SEMA4G: variants seen among roughly 807,000 people sequenced by gnomAD.
The protein encoded by SEMA4G is semaphorin-4G.
A neutral mutation model predicts 81.2 loss-of-function variants in SEMA4G; 59 were observed. That is an observed-to-expected ratio of 0.73 (90% confidence interval 0.59 to 0.90). The LOEUF is 0.90. SEMA4G is among the 40% of genes least tolerant of loss of function. The pLI is 0.00. For missense variants in SEMA4G, 952 were observed against 1,102.3 expected, an observed-to-expected ratio of 0.86 and a Z score of 1.93; for synonymous variants, 404 against 433.9, an observed-to-expected ratio of 0.93 and a Z score of 0.86.
At chr10:100,984,540 C>G in exon 14 of SEMA4G, 1 of 1,536,186 alleles carries the variant, frequency 6.5e-7, no homozygotes, top group Non-Finnish European at 8.7e-7. Context: ...CTCTGCATGG[C>G]CCTGTGTGCT....
At chr10:100,977,925 A>T in intron 4 of SEMA4G, 195 bp downstream of exon 5, 1 of 595,570 alleles carries the variant, frequency 1.7e-6, no homozygotes, top group Non-Finnish European at 3.0e-6. Context: ...TGCAGTTTTT[A>T]TAGCATTTTC....
At chr10:100,983,900 C>T (rs1490149544) in exon 14 of SEMA4G, 2 of 1,049,180 alleles carry the variant, frequency 1.9e-6, no homozygotes, top group Non-Finnish European at 2.7e-6. Flanking sequence ...GGGAGGGAGC[C>T]CCAGCCCCAC....
At position 100,978,279 on chromosome 10, in the gene SEMA4G, G is replaced by A. The variant is rs1288213123; in HGVS notation, c.436-16G>A. 6.2e-7 allele frequency: 1 copy of A among 1,604,590 alleles called. No homozygotes were observed. Among genetic ancestry groups the A allele is most frequent in the East Asian group, 2.2e-5 (1 of 44,830 alleles). The stretch of plus-strand genomic sequence containing the variant: ...CTGTCTTCGGAACCACTTACTGCTG[G>A]TTCCTTGTTCCCTAGGATGCTGAGG... On this transcript the variant is annotated splice_polypyrimidine_tract_variant and intron_variant, in intron 4 of 13. Transcript: ENST00000370250.
At chr10:100,979,499 C>A in intron 8 of SEMA4G, 1 of 1,212,514 alleles carries the variant, frequency 8.2e-7, no homozygotes, top group Non-Finnish European at 1.1e-6. Context: ...TATCCTGCCT[C>A]GGCCTCCCGA....
rs544154237 is a variant in SEMA4G at position 100,976,177 on chromosome 10, A to G, written c.337-1455A>G. ...ACCCTGGGTAACAGGCAAGAGGAGG[A>G]ATCATTAACGTGGCAAAGGAGTCAA... On this transcript the variant is annotated intron_variant, in intron 3 of 13. Transcript: ENST00000370250. 1.5e-3 allele frequency among the ~76,000 whole-genome samples: 224 copies of G among 152,190 alleles called. 3 individuals are homozygous for G. The highest frequency in any genetic ancestry group is 5.2e-3 in the African/African-American group (216 of 41,510).
chr10:100,980,862 TA>T lies in SEMA4G; in HGVS notation c.1509del (p.Pro504HisfsTer37). On this transcript the variant is annotated frameshift_variant, in exon 12 of 14. Coordinates refer to ENST00000370250, the Ensembl canonical transcript of SEMA4G. LOFTEE classifies it high-confidence loss of function. ...GGGGCTCCTAGCGGAGTCATCCAGCTACCACTCTCCAGCTGCTCCCGCTACC... is the reference window on the plus strand; with the variant it reads ...GGGGCTCCTAGCGGAGTCATCCAGCTCCACTCTCCAGCTGCTCCCGCTACC... The T allele has an allele frequency of 6.2e-7, 1 of 1,605,572 alleles. No homozygotes were observed. Among genetic ancestry groups the T allele is most frequent in the Admixed American group, 1.7e-5 (1 of 57,972 alleles).
chr10:100,982,846 G>A (rs1026315111), intron 13 of SEMA4G, among the ~76,000 whole-genome samples: 5 of 152,194 alleles, frequency 3.3e-5, no homozygotes, highest in Admixed American at 6.5e-5. Context: ...AGACTCCCAG[G>A]TTTCTGACTT....
chr10:100,970,564 C>CACAA (rs1850601133), upstream of SEMA4G, among the ~76,000 whole-genome samples: 2 of 151,572 alleles, frequency 1.3e-5, no homozygotes, highest in South Asian at 2.1e-4. Context: ...CACACACACA[C>CACAA]AACCCCCTCA....
chr10:100,980,389 A>C (rs1252783220), intron 10 of SEMA4G, 45 bp downstream of exon 11: 2 of 1,548,226 alleles, frequency 1.3e-6, no homozygotes, highest in East Asian at 4.5e-5. Context: ...CCTGATCACT[A>C]ATGCTTCTGA....
upstream of SEMA4G, chr10:100,972,434 T>A (rs1850660592): frequency 6.5e-6 from 1 of 154,484 alleles, no homozygotes; most frequent in African/African-American, 2.4e-5. Flanking sequence ...ATGCTGGGCC[T>A]CCTTCTTTCA....
intron 13 of SEMA4G, among the ~76,000 whole-genome samples, chr10:100,982,502 G>A (rs999576257): frequency 6.6e-6 from 1 of 152,202 alleles, no homozygotes; most frequent in Admixed American, 6.5e-5. Flanking sequence ...AGATACAAAC[G>A]TGAAGAAGGG....
upstream of SEMA4G, among the ~76,000 whole-genome samples, chr10:100,970,598 C>T (rs1436479047): frequency 6.6e-6 from 1 of 152,092 alleles, no homozygotes; most frequent in African/African-American, 2.4e-5. Context: ...CAAACACACA[C>T]TTGAAATTGG....
At chr10:100,978,411 C>A (rs776242101) in intron 5 of SEMA4G, 23 bp downstream of exon 6, 4 of 1,608,882 alleles carry the variant, frequency 2.5e-6, no homozygotes, top group Non-Finnish European at 3.4e-6. Context: ...TCTTCCCTAT[C>A]ACAGACATGG....
intron 3 of SEMA4G, among the ~76,000 whole-genome samples, chr10:100,974,716 G>A (rs1850727142): frequency 6.6e-6 from 1 of 152,212 alleles, no homozygotes; most frequent in African/African-American, 2.4e-5. Flanking sequence ...TCCATGGACA[G>A]GCATTAATGA....
Position 100,972,929 on chromosome 10 carries a change from G to A in SEMA4G, c.17G>A (p.Trp6Ter). 6.2e-7 allele frequency: 1 copy of A among 1,611,870 alleles called. No homozygotes were observed. Among genetic ancestry groups the A allele is most frequent in the Non-Finnish European group, 8.5e-7 (1 of 1,179,430 alleles). The stretch of plus-strand genomic sequence containing the variant: ...CCCAGGAAGATGTGGGGGAGGCTCT[G>A]GCCCCTCCTCCTCAGCATCCTCACA... Residue 6 changes from tryptophan (W) to a stop codon, truncating the protein, a stop_gained, in exon 1 of 14, where the codon TGG becomes TAG. Coordinates refer to ENST00000370250, the Ensembl canonical transcript of SEMA4G. LOFTEE classifies it high-confidence loss of function.
chr10:100,981,041 A>C, intron 12 of SEMA4G, 44 bp downstream of exon 13: 1 of 1,596,088 alleles, frequency 6.3e-7, no homozygotes, highest in Non-Finnish European at 8.5e-7. Flanking sequence ...GTCTGAGTGG[A>C]GGAGGAAGGC....
At chr10:100,983,939 T>C (rs2133906812) in exon 14 of SEMA4G, 1 of 1,333,798 alleles carries the variant, frequency 7.5e-7, no homozygotes, top group Non-Finnish European at 9.9e-7. Flanking sequence ...CGCCACCGGC[T>C]GAGCTGACCA....
chr10:100,978,746 T>A, intron 6 of SEMA4G, 103 bp from the exon 8 acceptor site: 1 of 1,556,720 alleles, frequency 6.4e-7, no homozygotes. Flanking sequence ...GGTGAGCCTG[T>A]CCATTCCATT....
chr10:100,972,571 G>T (rs1850664603), exon 1 of SEMA4G: 1 of 224,064 alleles, frequency 4.5e-6, no homozygotes, highest in Admixed American at 5.5e-5. Context: ...ACTGTCGGGG[G>T]CAGGGTGACC....
Sources: gnomAD v4.1 joint callset for allele counts (sites outside exome capture counted in the v4.1 genomes callset) on GRCh38, gnomAD v4.1.1 for gene constraint, MANE v1.5 for transcripts, NCBI Gene and HGNC (gene_info 2026-07-23, HGNC 2026-07-21) for gene names.